The following IRF2 variants were observed in gnomAD, a reference collection of about 807,000 sequenced individuals.
IRF2 encodes the protein interferon regulatory factor 2.
A neutral mutation model predicts 40.6 loss-of-function variants in IRF2; 15 were observed. The observed-to-expected ratio is 0.37, with a 90% CI of 0.25 to 0.57. The LOEUF is 0.57. Among genes scored for constraint, IRF2 ranks in the 20% least tolerant of loss-of-function variants. The pLI is 0.77. For synonymous variants in IRF2, 151 were observed against 165.5 expected (o/e 0.91, Z 0.67); for missense variants, 317 against 455.7 (o/e 0.70, Z 2.77).
At chr4:184,468,801 G>T (rs1739421513) in intron 1 of IRF2, among the ~76,000 whole-genome samples, 1 of 152,132 alleles carries the variant, frequency 6.6e-6, no homozygotes, top group Non-Finnish European at 1.5e-5. Context: ...GAAGGGAAAG[G>T]GGGCTACAGA....
chr4:184,431,731 C>G (rs765092886), intron 1 of IRF2, among the ~76,000 whole-genome samples: 14 of 152,152 alleles, frequency 9.2e-5, no homozygotes, highest in Non-Finnish European at 2.1e-4. Context: ...GTGCGTGGTC[C>G]CTGGCGCTGC....
At chr4:184,445,435 C>A (rs963835542) in intron 1 of IRF2, among the ~76,000 whole-genome samples, 1 of 152,224 alleles carries the variant, frequency 6.6e-6, no homozygotes, top group South Asian at 2.1e-4. Context: ...AGGCGGATTA[C>A]GTGAGCTCAA....
At chr4:184,446,713 T>C (rs1738522329) in intron 1 of IRF2, among the ~76,000 whole-genome samples, 1 of 152,024 alleles carries the variant, frequency 6.6e-6, no homozygotes, top group South Asian at 2.1e-4. Context: ...TAAAAAAGCA[T>C]GCATAGGAGG....
intron 5 of IRF2, among the ~76,000 whole-genome samples, chr4:184,410,896 C>T (rs114694703): frequency 1.4e-3 from 207 of 152,280 alleles, no homozygotes; most frequent in African/African-American, 4.8e-3. Context: ...TCCAAGATCA[C>T]GCTACTTTTA....
Position 184,429,090 on chromosome 4 carries a change from G to A in IRF2, c.-6-20C>T. 6.2e-7 allele frequency: 1 copy of A among 1,600,822 alleles called. No homozygotes were observed. Among genetic ancestry groups the A allele is most frequent in the Non-Finnish European group, 8.6e-7 (1 of 1,168,216 alleles). On this transcript the variant is annotated intron_variant, in intron 1 of 8. Transcript: ENST00000393593. ...GGTGCCCTTGAGGGAGAGAAACACA[G>A]CGTCAGGCGTTGGTGCCACTCAGTG...
At chr4:184,445,113 C>G (rs970328064) in intron 1 of IRF2, among the ~76,000 whole-genome samples, 6 of 152,204 alleles carry the variant, frequency 3.9e-5, no homozygotes, top group Non-Finnish European at 7.3e-5. Context: ...GTTCACTCAC[C>G]CTTACAGAAC....
chr4:184,403,285 T>G (rs1386093742), intron 6 of IRF2, among the ~76,000 whole-genome samples: 1 of 152,074 alleles, frequency 6.6e-6, no homozygotes, highest in Non-Finnish European at 1.5e-5. Flanking sequence ...TCTCTCTCTC[T>G]CGACATGTGA....
Position 184,413,166 on chromosome 4 carries a change from C to A in IRF2, c.412-4891G>T, listed in dbSNP as rs933799059. 2.0e-5 allele frequency among the ~76,000 whole-genome samples: 3 copies of A among 152,232 alleles called. No individual in the cohort carries two copies. The highest frequency in any genetic ancestry group is 4.4e-5 in the Non-Finnish European group (3 of 68,038). On this transcript the variant is annotated intron_variant, in intron 5 of 8. Transcript: ENST00000393593. This position sits in a 1 kb window ranked among gnomAD's most constrained non-coding sequence, Gnocchi z 4.2. ...TCCATGCCAGTGGCACCAGCTACTG[C>A]CTTTCCACAGCAGTCTCTCCTGCCT...
chr4:184,411,886 T>C (rs1432333352), intron 5 of IRF2, among the ~76,000 whole-genome samples: 1 of 151,752 alleles, frequency 6.6e-6, no homozygotes, highest in Non-Finnish European at 1.5e-5. Flanking sequence ...CGGTTAATCC[T>C]GGTCAGGATT....
Position 184,388,274 on chromosome 4 carries a change from G to A in IRF2, c.*484C>T. Reference sequence around the variant, plus strand: ...GAAGAGAGGCTGGGGAATGGGCAGAGAAGGGGGTGCTGAGTGTGCTGTGAG... The same window carrying A: ...GAAGAGAGGCTGGGGAATGGGCAGAAAAGGGGGTGCTGAGTGTGCTGTGAG... On this transcript the variant is annotated 3_prime_UTR_variant, in exon 9 of 9. Transcript: ENST00000393593. This position sits in a 1 kb window ranked among gnomAD's most constrained non-coding sequence, Gnocchi z 4.6. 1 of 154,982 alleles carries A rather than the reference G, an allele frequency of 6.5e-6. No homozygotes were observed. The highest frequency in any genetic ancestry group is 1.9e-4 in the East Asian group (1 of 5,220). 9.6% of individuals were successfully genotyped at this position (154,982 alleles called of 1,614,324 possible). A position where few individuals can be genotyped will look rare whatever the true frequency, so the allele number is the denominator to read the frequency against.
chr4:184,470,304 T>C (rs1739469420), intron 1 of IRF2, among the ~76,000 whole-genome samples: 1 of 152,246 alleles, frequency 6.6e-6, no homozygotes, highest in African/African-American at 2.4e-5. Context: ...ATATATGCTA[T>C]CAGTTAATAT....
At position 184,448,230 on chromosome 4, in the gene IRF2, T is replaced by C. The variant is rs1364614908; in HGVS notation, c.-6-19160A>G. On this transcript the variant is annotated intron_variant, in intron 1 of 8. Transcript: ENST00000393593. The surrounding 1 kb of genome is among the most constrained non-coding windows in gnomAD (Gnocchi z 4.3). ...AAGACGACGACAGCCTTTCTGCAAATACAACAAACTCTAGGAAACCCCCTT... is the reference window on the plus strand; with the variant it reads ...AAGACGACGACAGCCTTTCTGCAAACACAACAAACTCTAGGAAACCCCCTT... Among the ~76,000 whole-genome samples the C allele has an allele frequency of 2.0e-5, 3 of 152,154 alleles. No individual in the cohort carries two copies. Among genetic ancestry groups the C allele is most frequent in the African/African-American group, 7.2e-5 (3 of 41,396 alleles).
intron 7 of IRF2, among the ~76,000 whole-genome samples, chr4:184,394,938 C>T (rs952270687): frequency 5.9e-5 from 9 of 152,174 alleles, no homozygotes; most frequent in African/African-American, 1.2e-4. Context: ...AAACATCCAA[C>T]GCAAGTACTA....
At chr4:184,403,778 C>T (rs573015057) in intron 6 of IRF2, among the ~76,000 whole-genome samples, 8 of 152,324 alleles carry the variant, frequency 5.3e-5, no homozygotes, top group Non-Finnish European at 1.0e-4. Context: ...AGTCTCCAGG[C>T]TCAGAACTAA....
intron 1 of IRF2, among the ~76,000 whole-genome samples, chr4:184,450,972 G>A (rs1392951595): frequency 6.6e-6 from 1 of 152,070 alleles, no homozygotes; most frequent in East Asian, 1.9e-4. Context: ...AAACCGAAAA[G>A]ACTAAATACC....
chr4:184,428,546 C>G, intron 2 of IRF2: 1 of 364,668 alleles, frequency 2.7e-6, no homozygotes, highest in South Asian at 2.0e-5. Flanking sequence ...GCCTGTAATC[C>G]CCACACTTTG....
chr4:184,421,157 C>T (rs1176343793), intron 2 of IRF2, among the ~76,000 whole-genome samples: 2 of 152,210 alleles, frequency 1.3e-5, no homozygotes, highest in Non-Finnish European at 2.9e-5. Context: ...TAGTGAAACA[C>T]AGAAAGGGTC....
At chr4:184,416,786 C>T (rs191082213) in intron 5 of IRF2, among the ~76,000 whole-genome samples, 1 of 152,296 alleles carries the variant, frequency 6.6e-6, no homozygotes, top group African/African-American at 2.4e-5. Context: ...TGGCTCACGC[C>T]TGTATTCCCA....
At chr4:184,419,848 A>C (rs1737421166) in intron 2 of IRF2, among the ~76,000 whole-genome samples, 1 of 152,104 alleles carries the variant, frequency 6.6e-6, no homozygotes, top group South Asian at 2.1e-4. Flanking sequence ...GTGTTCCATT[A>C]TTTGTGCCTC....
Sources: gnomAD v4.1 joint callset for allele counts (sites outside exome capture counted in the v4.1 genomes callset) on GRCh38, gnomAD v4.1.1 for gene constraint, Gnocchi (gnomAD v3.1) non-coding constraint, MANE v1.5 for transcripts, NCBI Gene and HGNC (gene_info 2026-07-23, HGNC 2026-07-21) for gene names.